Variants in ABCA4 observed in about 807,000 individuals in gnomAD.
ABCA4 encodes ATP binding cassette subfamily A member 4, also known as retinal-specific phospholipid-transporting ATPase ABCA4.
Under a neutral mutation model 263.7 loss-of-function variants are expected in ABCA4, and 196 were observed. The ratio of observed to expected loss-of-function variants is 0.74; its 90% CI spans 0.66 to 0.84. The LOEUF is 0.84. Ranked by LOEUF, ABCA4 falls within the 40% of genes least tolerant of loss-of-function variation. The pLI, the probability that ABCA4 is intolerant of heterozygous loss-of-function variation, is 0.00. For synonymous variants in ABCA4, 1,133 were observed against 1,094.2 expected, an observed-to-expected ratio of 1.04 and a Z score of -0.70; for missense variants, 2,792 against 2,855.1, an observed-to-expected ratio of 0.98 and a Z score of 0.50.
At position 94,116,956 on chromosome 1, in the gene ABCA4, CT is replaced by C. The variant is rs1557812148; in HGVS notation, c.67-3891del. ...TCTTTTCCCCTTCCCTCCCTCCCTC[CT>C]TTCTTTCTTTCTCTTTCTTTCTTTC... On this transcript the variant is annotated intron_variant, in intron 1 of 49. Transcript: ENST00000370225. Among the ~76,000 whole-genome samples, 9 of 127,190 alleles carry C rather than the reference CT, an allele frequency of 7.1e-5. No individual in the cohort carries two copies. In the South Asian group the frequency reaches 2.0e-3, roughly 28 times the overall value. The allele number at this position is 127,190 out of a possible 152,430, so 83.4% of individuals were successfully genotyped here.
intron 38 of ABCA4, 47 bp downstream of exon 38, chr1:94,014,496 C>T (rs1462833530): frequency 3.1e-6 from 5 of 1,605,802 alleles, no homozygotes; most frequent in East Asian, 2.2e-5. Context: ...AACACATACT[C>T]TACTATCCTA....
At position 94,063,221 on chromosome 1, in the gene ABCA4, C is replaced by T; in HGVS notation, c.1651G>A (p.Val551Met). Residue 551 changes from valine (V) to methionine (M), a missense_variant, in exon 12 of 50, where the codon GTG becomes ATG. By Grantham distance (21) the Val-to-Met change is conservative. Coordinates refer to ENST00000370225, the MANE Select transcript of ABCA4 (RefSeq NM_000350.3). ...LLEENMFWAGVVFPDMYPWTS... is the reference protein window; with the variant it reads ...LLEENMFWAGMVFPDMYPWTS... ...CAGGGATACATGTCAGGGAATACCA[C>T]TCCGGCCCAGAACATGTTTTCCTCC... is the stretch of plus-strand genomic sequence containing the variant. 1.2e-6 allele frequency: 2 copies of T among 1,614,138 alleles called. No homozygotes were observed. The highest frequency in any genetic ancestry group is 1.7e-6 in the Non-Finnish European group (2 of 1,180,000).
intron 4 of ABCA4, among the ~76,000 whole-genome samples, chr1:94,104,243 C>T (rs894279283): frequency 4.6e-5 from 7 of 152,178 alleles, no homozygotes; most frequent in Non-Finnish European, 8.8e-5. Context: ...TGGATGTCTA[C>T]GAAGGGACTT....
chr1:94,022,202 T>A (rs1659922382), intron 32 of ABCA4, among the ~76,000 whole-genome samples: 1 of 152,188 alleles, frequency 6.6e-6, no homozygotes, highest in Admixed American at 6.5e-5. Flanking sequence ...AACTTCATCC[T>A]TCCTCAGCCC....
At chr1:94,057,579 A>G (rs979446837) in intron 14 of ABCA4, among the ~76,000 whole-genome samples, 8 of 152,242 alleles carry the variant, frequency 5.3e-5, no homozygotes, top group African/African-American at 1.9e-4. Context: ...CACAGGTGAA[A>G]ATACCAGTAA....
At chr1:94,033,084 G>T (rs1660247968) in intron 26 of ABCA4, among the ~76,000 whole-genome samples, 1 of 152,116 alleles carries the variant, frequency 6.6e-6, no homozygotes, top group Admixed American at 6.5e-5. Context: ...ATAAATTTGG[G>T]GAAGTGACTC....
chr1:94,009,561 G>A (rs769680992), intron 40 of ABCA4, among the ~76,000 whole-genome samples: 40 of 152,174 alleles, frequency 2.6e-4, no homozygotes, highest in Non-Finnish European at 4.9e-4. Flanking sequence ...GGTCATTCCC[G>A]TCTCCCAGCC....
chr1:94,103,248 A>G, intron 4 of ABCA4, 106 bp from the exon 5 acceptor site: 3 of 1,447,372 alleles, frequency 2.1e-6, no homozygotes, highest in Non-Finnish European at 2.9e-6. Flanking sequence ...CTCTCAGAGG[A>G]AGGTTCTGTT....
intron 11 of ABCA4, among the ~76,000 whole-genome samples, chr1:94,069,418 C>T (rs1661351303): frequency 6.6e-6 from 1 of 152,184 alleles, no homozygotes; most frequent in South Asian, 2.1e-4. Context: ...CGAATACATC[C>T]AGGACGTGCT....
At chr1:93,997,181 T>A (rs1304809329) in intron 48 of ABCA4, among the ~76,000 whole-genome samples, 1 of 152,194 alleles carries the variant, frequency 6.6e-6, no homozygotes, top group Non-Finnish European at 1.5e-5. Context: ...AAAAATGTGA[T>A]TACATTTTTA....
At chr1:94,061,118 T>C (rs1032673208) in intron 13 of ABCA4, among the ~76,000 whole-genome samples, 9 of 152,202 alleles carry the variant, frequency 5.9e-5, no homozygotes, top group African/African-American at 2.2e-4. Flanking sequence ...GACAGCTACA[T>C]GCTGACACTG....
chr1:94,107,875 C>T (rs1662485754), intron 4 of ABCA4, among the ~76,000 whole-genome samples: 1 of 152,190 alleles, frequency 6.6e-6, no homozygotes, highest in Non-Finnish European at 1.5e-5. Flanking sequence ...AGGGTCATGG[C>T]ACCCACTGAG....
intron 1 of ABCA4, among the ~76,000 whole-genome samples, chr1:94,118,135 C>T (rs971792978): frequency 6.6e-6 from 1 of 152,170 alleles, no homozygotes; most frequent in Non-Finnish European, 1.5e-5. Flanking sequence ...ACTAATCCTT[C>T]TCTGGAGCCT....
At chr1:94,107,999 G>A (rs1662489324) in intron 4 of ABCA4, among the ~76,000 whole-genome samples, 1 of 152,064 alleles carries the variant, frequency 6.6e-6, no homozygotes, top group South Asian at 2.1e-4. Context: ...CCTGCCTTCA[G>A]CCCGCTGCCT....
rs747410807 is a variant in ABCA4, at chr1:94,108,606, G to T, written c.413C>A (p.Thr138Asn). The change falls in exon 4 of 50, where the codon ACC becomes AAC. Residue 138 changes from threonine to asparagine, a missense_variant. Transcript: ENST00000370225. Reference sequence around the variant, plus strand: ...AATTCTCTCCGGGTGAGTCCGGAGGGTGTCCATGAATTGGGACAAGATGTG... The same window carrying T: ...AATTCTCTCCGGGTGAGTCCGGAGGTTGTCCATGAATTGGGACAAGATGTG... The part of the protein sequence containing the change: ...ELHILSQFMD[T>N]LRTHPERIAG... 14 of 1,613,734 alleles carry T rather than the reference G, an allele frequency of 8.7e-6. No homozygotes were observed. The highest frequency in any genetic ancestry group is 1.3e-5 in the African/African-American group (1 of 75,026).
At chr1:94,026,572 C>T (rs1660045623) in intron 30 of ABCA4, among the ~76,000 whole-genome samples, 1 of 152,224 alleles carries the variant, frequency 6.6e-6, no homozygotes, top group Non-Finnish European at 1.5e-5. Flanking sequence ...GGCACTCAGA[C>T]ACCGGCCAAG....
In ABCA4 at chr1:94,080,462, G is replaced by A; in HGVS notation, c.1099+16C>T. 6.2e-7 allele frequency: 1 copy of A among 1,614,034 alleles called. No individual in the cohort carries two copies. The highest frequency in any genetic ancestry group is 8.5e-7 in the Non-Finnish European group (1 of 1,180,020). ...ACATGAGAGGCCAATTTATAAGCAG[G>A]ACTCAGAAAACTTACTTGTTCTTCT... On this transcript the variant is annotated intron_variant, in intron 8 of 49. Transcript: ENST00000370225.
chr1:94,085,217 T>C (rs923404855), intron 6 of ABCA4, among the ~76,000 whole-genome samples: 2 of 152,212 alleles, frequency 1.3e-5, no homozygotes, highest in Admixed American at 6.5e-5. Context: ...ATGTTGTCTG[T>C]GATTTGCTTC....
chr1:94,055,310 T>C lies in ABCA4; in HGVS notation c.2388A>G (p.Leu796=), dbSNP rs771883412. 31 of 1,613,486 alleles carry C rather than the reference T, an allele frequency of 1.9e-5. No individual in the cohort carries two copies. The highest frequency in any genetic ancestry group is 2.5e-5 in the Non-Finnish European group (29 of 1,179,858). ...CAAATCCAAATGCCACCGGAGACAG[T>C]AAGCTCTGCAGTGAGGCGGAGAGGG... ...MTAELKKAVS[L]LSPVAFGFGT... Residue 796 remains leucine, a synonymous_variant, in exon 16 of 50, where the codon TTA becomes TTG. Transcript: ENST00000370225.
Sources: gnomAD v4.1 joint callset for allele counts (sites outside exome capture counted in the v4.1 genomes callset) on GRCh38, gnomAD v4.1.1 for gene constraint, MANE v1.5 for transcripts, NCBI Gene and HGNC (gene_info 2026-07-23, HGNC 2026-07-21) for gene names.